The following EGLN1 variants were observed in gnomAD, a reference collection of about 807,000 sequenced individuals.
EGLN1 encodes egl-9 family hypoxia inducible factor 1.
In EGLN1, 17 loss-of-function variants were observed where a neutral mutation model predicts 38.3. The observed-to-expected ratio is 0.44, with a 90% confidence interval of 0.30 to 0.67. EGLN1 has a LOEUF of 0.67. Among genes scored for constraint, EGLN1 ranks in the 30% least tolerant of loss-of-function variants. EGLN1 has a pLI of 0.08. For missense variants in EGLN1, 477 were observed against 603.3 expected, an observed-to-expected ratio of 0.79 and a Z score of 2.19; for synonymous variants, 283 against 257.5, an observed-to-expected ratio of 1.10 and a Z score of -0.95.
At chr1:231,412,278 A>T (rs1282964161) in intron 1 of EGLN1, among the ~76,000 whole-genome samples, 1 of 152,186 alleles carries the variant, frequency 6.6e-6, no homozygotes, top group Non-Finnish European at 1.5e-5. Flanking sequence ...TCATGTATTG[A>T]TAAGTCAGTG....
At chr1:231,418,703 T>C (rs545222109) in intron 1 of EGLN1, among the ~76,000 whole-genome samples, 2 of 151,740 alleles carry the variant, frequency 1.3e-5, no homozygotes, top group African/African-American at 4.8e-5. Context: ...ACAAAAAAAA[T>C]TTTTTTTCAT....
At chr1:231,405,587 T>C (rs1008253916) in intron 1 of EGLN1, among the ~76,000 whole-genome samples, 1 of 152,022 alleles carries the variant, frequency 6.6e-6, no homozygotes, top group African/African-American at 2.4e-5. Flanking sequence ...ACTGGCAGAG[T>C]TGTTGAGTGC....
intron 1 of EGLN1, among the ~76,000 whole-genome samples, chr1:231,406,587 C>T (rs1346933504): frequency 3.9e-5 from 6 of 152,028 alleles, no homozygotes; most frequent in Admixed American, 2.6e-4. Context: ...GTTCTAAAGG[C>T]AGGGAGGGAG....
At chr1:231,374,600 C>T (rs1687911467) in intron 1 of EGLN1, among the ~76,000 whole-genome samples, 1 of 151,978 alleles carries the variant, frequency 6.6e-6, no homozygotes, top group African/African-American at 2.4e-5. Flanking sequence ...TCACTGCGGC[C>T]TCAACCTCCT....
In EGLN1 at chr1:231,412,011, C is replaced by CAAAAAAAAAAAAA. The variant is rs747472895; in HGVS notation, c.891+8974_891+8986dup. Among the ~76,000 whole-genome samples, 6 of 33,652 alleles carry CAAAAAAAAAAAAA rather than the reference C, an allele frequency of 1.8e-4. 1 individual carries two copies. Among genetic ancestry groups the CAAAAAAAAAAAAA allele is most frequent in the Admixed American group, 5.4e-4 (1 of 1,846 alleles). The allele number at this position is 33,652 out of a possible 152,430, so 22.1% of individuals were successfully genotyped here. ...TGGGTGACAGAGTGAGACTCCATCT[C>CAAAAAAAAAAAAA]AAAAAAAAAAAAAAAAAAAAAAAAA... On this transcript the variant is annotated intron_variant, in intron 1 of 4. Transcript: ENST00000366641.
At chr1:231,420,621 G>A (rs1481461028) in intron 1 of EGLN1, among the ~76,000 whole-genome samples, 1 of 152,182 alleles carries the variant, frequency 6.6e-6, no homozygotes, top group Non-Finnish European at 1.5e-5. Flanking sequence ...TGCAGAACCA[G>A]GACTTGCTTT....
At position 231,418,078 on chromosome 1, in the gene EGLN1, T is replaced by C. The variant is rs77650842; in HGVS notation, c.891+2920A>G. Among the ~76,000 whole-genome samples the C allele has an allele frequency of 7.5e-3, 1,110 of 147,328 alleles. 6 individuals carry two copies. The highest frequency in any genetic ancestry group is 0.011 in the South Asian group (51 of 4,514). ...AGAAAAATACTACACATTTGCTGCA[T>C]ATAACTTTTAAAATCACTATAATGT... On this transcript the variant is annotated intron_variant, in intron 1 of 4. Coordinates refer to ENST00000366641, the MANE Select transcript of EGLN1 (RefSeq NM_022051.3).
At position 231,377,156 on chromosome 1, in the gene EGLN1, T is replaced by C. The variant is rs559676080; in HGVS notation, c.892-3057A>G. ...TTTATGGGACATTTACTGTTTGCCA[T>C]GTCCTATCTAAGTAATTTGTGCATA... is the stretch of plus-strand genomic sequence containing the variant. On this transcript the variant is annotated intron_variant, in intron 1 of 4. Transcript: ENST00000366641. 1.4e-4 allele frequency among the ~76,000 whole-genome samples: 22 copies of C among 152,360 alleles called. No individual in the cohort carries two copies. In the South Asian group the frequency reaches 4.3e-3, roughly 30 times the overall value.
intron 1 of EGLN1, among the ~76,000 whole-genome samples, chr1:231,410,371 C>T (rs1191038756): frequency 6.6e-6 from 1 of 152,198 alleles, no homozygotes; most frequent in African/African-American, 2.4e-5. Flanking sequence ...TGCCAATAAC[C>T]ACTGAGTGAG....
chr1:231,374,363 C>T (rs1345790023), intron 1 of EGLN1, among the ~76,000 whole-genome samples: 1 of 152,152 alleles, frequency 6.6e-6, no homozygotes, highest in African/African-American at 2.4e-5. Context: ...CTTTGACAAT[C>T]TTTATAAATA....
chr1:231,419,197 A>G (rs1656468356), intron 1 of EGLN1, among the ~76,000 whole-genome samples: 1 of 152,204 alleles, frequency 6.6e-6, no homozygotes, highest in South Asian at 2.1e-4. Context: ...TAATATGTAC[A>G]GTTACGTGAC....
intron 1 of EGLN1, among the ~76,000 whole-genome samples, chr1:231,402,583 C>T (rs996628432): frequency 7.9e-5 from 12 of 151,796 alleles, no homozygotes; most frequent in African/African-American, 2.2e-4. Flanking sequence ...TACAGGTGCA[C>T]GCCACCACAT....
At chr1:231,369,893 C>T (rs2102893701) in intron 3 of EGLN1, among the ~76,000 whole-genome samples, 1 of 152,194 alleles carries the variant, frequency 6.6e-6, no homozygotes, top group African/African-American at 2.4e-5. Flanking sequence ...TCTACAATAT[C>T]TTGTTTTCAC....
chr1:231,391,669 CTTTT>C (rs1425372533), intron 1 of EGLN1, among the ~76,000 whole-genome samples: 2 of 152,096 alleles, frequency 1.3e-5, no homozygotes, highest in Non-Finnish European at 2.9e-5. Flanking sequence ...ATGAGACTAT[CTTTT>C]TATTTTTGTG....
intron 3 of EGLN1, chr1:231,369,497 T>C (rs1687758288): frequency 1.2e-6 from 1 of 867,168 alleles, no homozygotes; most frequent in Non-Finnish European, 1.4e-6. Context: ...GGAAGAGACA[T>C]GGGATTGAAA....
At chr1:231,412,984 T>C (rs1337954226) in intron 1 of EGLN1, among the ~76,000 whole-genome samples, 1 of 151,540 alleles carries the variant, frequency 6.6e-6, no homozygotes, top group Non-Finnish European at 1.5e-5. Context: ...ATCCAGAATA[T>C]ATCCTACACA....
intron 1 of EGLN1, among the ~76,000 whole-genome samples, chr1:231,418,404 T>C (rs549637089): frequency 2.8e-4 from 42 of 152,364 alleles, no homozygotes; most frequent in African/African-American, 9.1e-4. Context: ...TCTCATTTAA[T>C]GTTCTACCTA....
rs575966303 is a variant in EGLN1 at position 231,364,190 on chromosome 1, T to C, written c.*2221A>G. ...CTGTCTGGCAAGCACAACCCACAGA[T>C]AGTAGAATCTAATACTTTTTACAAC... On this transcript the variant is annotated 3_prime_UTR_variant, in exon 5 of 5. Coordinates refer to ENST00000366641, the MANE Select transcript of EGLN1 (RefSeq NM_022051.3). The C allele has an allele frequency of 6.6e-6, 1 of 152,200 alleles. No homozygotes were observed. Among genetic ancestry groups the C allele is most frequent in the Admixed American group, 6.5e-5 (1 of 15,280 alleles). 9.4% of individuals were successfully genotyped at this position (152,200 alleles called of 1,614,324 possible). A position where few individuals can be genotyped will look rare whatever the true frequency, so the allele number is the denominator to read the frequency against.
intron 1 of EGLN1, among the ~76,000 whole-genome samples, chr1:231,415,616 G>A (rs1689059654): frequency 6.6e-6 from 1 of 152,172 alleles, no homozygotes; most frequent in African/African-American, 2.4e-5. Flanking sequence ...AGAAGTAATA[G>A]TTAAGAACAG....
Sources: gnomAD v4.1 joint callset for allele counts (sites outside exome capture counted in the v4.1 genomes callset) on GRCh38, gnomAD v4.1.1 for gene constraint, MANE v1.5 for transcripts, NCBI Gene and HGNC (gene_info 2026-07-23, HGNC 2026-07-21) for gene names.